The following SMOC2 variants were observed in gnomAD, a reference collection of about 807,000 sequenced individuals.
SMOC2 encodes SPARC related modular calcium binding 2.
Under a neutral mutation model 61.4 loss-of-function variants are expected in SMOC2, and 39 were observed. The observed-to-expected ratio is 0.64, with a 90% confidence interval of 0.49 to 0.83. The LOEUF (loss-of-function observed/expected upper bound fraction) is 0.83, where lower values mean the gene tolerates loss of function less well. SMOC2 is among the 40% of genes least tolerant of loss of function. The pLI, the probability that SMOC2 is intolerant of heterozygous loss-of-function variation, is 0.00. For missense variants in SMOC2, 556 were observed against 592.9 expected (o/e 0.94, Z 0.65); for synonymous variants, 247 against 239.9 (o/e 1.03, Z -0.27).
intron 9 of SMOC2, among the ~76,000 whole-genome samples, chr6:168,632,766 G>GC (rs1176101495): frequency 3.6e-4 from 55 of 152,214 alleles, no homozygotes; most frequent in African/African-American, 1.3e-3. Context: ...AAAGGAGCAG[G>GC]CTAAGGACAG....
intron 11 of SMOC2, among the ~76,000 whole-genome samples, chr6:168,661,148 CAGTT>C (rs1296218935): frequency 6.6e-6 from 1 of 151,692 alleles, no homozygotes; most frequent in Non-Finnish European, 1.5e-5. Context: ...AATTCATTAT[CAGTT>C]ATATGTTTTG....
chr6:168,566,098 A>G (rs1241558702), intron 7 of SMOC2, among the ~76,000 whole-genome samples: 1 of 152,230 alleles, frequency 6.6e-6, no homozygotes, highest in African/African-American at 2.4e-5. Flanking sequence ...GAACTAAGAA[A>G]AAATCCACGT....
chr6:168,547,347 A>G (rs1784027647), intron 6 of SMOC2, among the ~76,000 whole-genome samples, 178 bp downstream of exon 6: 1 of 143,708 alleles, frequency 7.0e-6, no homozygotes, highest in East Asian at 1.9e-4. Flanking sequence ...CTTTAAAAAA[A>G]ACAAACAAAC....
At chr6:168,625,141 G>A (rs560309928) in intron 9 of SMOC2, among the ~76,000 whole-genome samples, 42 of 152,218 alleles carry the variant, frequency 2.8e-4, no homozygotes, top group Admixed American at 2.0e-4. Context: ...CCAAGGTCAC[G>A]AGATGCCTGG....
Position 168,611,937 on chromosome 6 carries a change from G to T in SMOC2, c.907+3698G>T, listed in dbSNP as rs1023290477. ...CTGGTGGGGCACAGCGTGTGGTGTG[G>T]GTGTGGACTCTGCCCCGTGCCTCAC... On this transcript the variant is annotated intron_variant, in intron 9 of 12. Transcript: ENST00000356284. Among the ~76,000 whole-genome samples, 5 of 152,306 alleles carry T rather than the reference G, an allele frequency of 3.3e-5. No homozygotes were observed. In the East Asian group the frequency reaches 9.7e-4, roughly 29 times the overall value.
At chr6:168,519,479 T>A (rs1783274759) in intron 2 of SMOC2, among the ~76,000 whole-genome samples, 1 of 152,198 alleles carries the variant, frequency 6.6e-6, no homozygotes, top group Middle Eastern at 3.2e-3. Context: ...TTAACACGTC[T>A]GATGTTTGGG....
At chr6:168,611,171 G>A (rs528691919) in intron 9 of SMOC2, among the ~76,000 whole-genome samples, 11 of 152,236 alleles carry the variant, frequency 7.2e-5, no homozygotes, top group East Asian at 1.9e-4. Flanking sequence ...CTCCTGTGTC[G>A]GGGCCGTGGT....
rs1047444757 is a variant in SMOC2, at chr6:168,475,665, C to G, written c.84+34211C>G. On this transcript the variant is annotated intron_variant, in intron 1 of 12. Transcript: ENST00000356284. The surrounding 1 kb of genome is among the most constrained non-coding windows in gnomAD (Gnocchi z 4.6). ...GAGGACGAGAACTGAGACCTGCTTC[C>G]CACGCGTCTGTGGCCCAGGGAGGCC... Among the ~76,000 whole-genome samples, 2 of 152,222 alleles carry G rather than the reference C, an allele frequency of 1.3e-5. No individual in the cohort carries two copies. Among genetic ancestry groups the G allele is most frequent in the African/African-American group, 4.8e-5 (2 of 41,568 alleles).
intron 7 of SMOC2, among the ~76,000 whole-genome samples, chr6:168,573,387 C>T (rs1277160882): frequency 6.7e-6 from 1 of 148,920 alleles, no homozygotes; most frequent in African/African-American, 2.6e-5. Context: ...ACCAGGGCTG[C>T]GTGGTCCCTG....
At chr6:168,575,740 C>T (rs369616464) in intron 7 of SMOC2, among the ~76,000 whole-genome samples, 4 of 152,356 alleles carry the variant, frequency 2.6e-5, no homozygotes, top group African/African-American at 7.2e-5. Context: ...CCCAGCTATA[C>T]CCCTGGCTCT....
intron 8 of SMOC2, among the ~76,000 whole-genome samples, chr6:168,603,316 T>G (rs1317359188): frequency 6.9e-6 from 1 of 144,486 alleles, no homozygotes; most frequent in Non-Finnish European, 1.5e-5. Flanking sequence ...GAGAACAGAT[T>G]AATACTGGGG....
chr6:168,531,716 G>A (rs1043836572), intron 4 of SMOC2, among the ~76,000 whole-genome samples: 18 of 152,232 alleles, frequency 1.2e-4, no homozygotes, highest in Non-Finnish European at 2.4e-4. Flanking sequence ...CCTCATAGCA[G>A]CCTAAATTGT....
rs527634652 is a variant in SMOC2, at chr6:168,632,419, C to T, written c.908-18262C>T. Reference sequence around the variant, plus strand: ...CAGAAACCGTGTATGAAAATAATCACTCTCCCCTTATCAAAGGAAGTGCTT... The same window carrying T: ...CAGAAACCGTGTATGAAAATAATCATTCTCCCCTTATCAAAGGAAGTGCTT... On this transcript the variant is annotated intron_variant, in intron 9 of 12. Coordinates refer to ENST00000356284, the MANE Select transcript of SMOC2 (RefSeq NM_001166412.2). Among the ~76,000 whole-genome samples the T allele has an allele frequency of 5.2e-4, 79 of 152,324 alleles. No individual in the cohort carries two copies. The South Asian group carries it at 0.016, about 31-fold the overall frequency.
intron 11 of SMOC2, 116 bp downstream of exon 11, chr6:168,653,344 A>C (rs1787247192): frequency 8.1e-7 from 1 of 1,234,966 alleles, no homozygotes; most frequent in African/African-American, 1.5e-5. Flanking sequence ...GCAAAAAATC[A>C]AATATGCTGT....
chr6:168,554,702 T>C (rs763337971), intron 7 of SMOC2, among the ~76,000 whole-genome samples: 1 of 152,232 alleles, frequency 6.6e-6, no homozygotes, highest in Non-Finnish European at 1.5e-5. Flanking sequence ...AATTTGGTGT[T>C]CGTGGCCCAC....
intron 7 of SMOC2, among the ~76,000 whole-genome samples, chr6:168,574,306 C>T (rs1383282173): frequency 1.3e-5 from 2 of 152,164 alleles, no homozygotes; most frequent in Non-Finnish European, 2.9e-5. Flanking sequence ...GGCCGGGCCT[C>T]CATAGGGCAG....
intron 2 of SMOC2, among the ~76,000 whole-genome samples, chr6:168,523,238 G>A (rs916377117): frequency 1.4e-5 from 2 of 147,074 alleles, no homozygotes; most frequent in African/African-American, 2.5e-5. Context: ...ACAGGCGCCC[G>A]CCACCGCGCC....
At chr6:168,522,333 A>G (rs1344912342) in intron 2 of SMOC2, among the ~76,000 whole-genome samples, 2 of 152,046 alleles carry the variant, frequency 1.3e-5, no homozygotes, top group African/African-American at 2.4e-5. Flanking sequence ...CATCATTTCT[A>G]CTCCATCATT....
At chr6:168,559,037 C>T (rs1213492639) in intron 7 of SMOC2, among the ~76,000 whole-genome samples, 1 of 152,168 alleles carries the variant, frequency 6.6e-6, no homozygotes, top group South Asian at 2.1e-4. Context: ...TACTGGAAAT[C>T]GTAGTGACAG....
Sources: allele counts gnomAD v4.1 joint callset (sites outside exome capture counted in the v4.1 genomes callset), GRCh38; gene constraint gnomAD v4.1.1; non-coding constraint Gnocchi (gnomAD v3.1); transcripts MANE v1.5; gene names NCBI Gene and HGNC (gene_info 2026-07-23, HGNC 2026-07-21).